OPTN: variants seen among roughly 807,000 people sequenced by gnomAD.
The protein encoded by OPTN is optineurin, also known as E3-14.7K-interacting protein.
Under a neutral mutation model 70.4 loss-of-function variants are expected in OPTN, and 54 were observed. That is an observed-to-expected ratio of 0.77 (90% CI 0.62 to 0.96). OPTN has a LOEUF of 0.96. OPTN is among the 40% of genes least tolerant of loss of function. The pLI, the probability that OPTN is intolerant of heterozygous loss-of-function variation, is 0.00. For synonymous variants in OPTN, 256 were observed against 248.5 expected (o/e 1.03, Z -0.28); for missense variants, 624 against 673.2 (o/e 0.93, Z 0.81).
chr10:13,117,263 G>C (rs1399109144), intron 6 of OPTN, among the ~76,000 whole-genome samples: 1 of 150,950 alleles, frequency 6.6e-6, no homozygotes, highest in Non-Finnish European at 1.5e-5. Flanking sequence ...TGTATTTTTA[G>C]TAGAGATGGG....
At chr10:13,120,409 C>G (rs2131508564) in intron 7 of OPTN, among the ~76,000 whole-genome samples, 1 of 151,808 alleles carries the variant, frequency 6.6e-6, no homozygotes, top group South Asian at 2.1e-4. Context: ...GTCACCTGTG[C>G]TTTTGATGTC....
At position 13,133,655 on chromosome 10, in the gene OPTN, T is replaced by C. The variant is rs1833638397; in HGVS notation, c.1612+74T>C. 2.2e-6 allele frequency: 3 copies of C among 1,338,162 alleles called. No individual in the cohort carries two copies. In the Admixed American group the frequency reaches 5.3e-5, roughly 24 times the overall value. 82.9% of individuals were successfully genotyped at this position (1,338,162 alleles called of 1,614,324 possible). On this transcript the variant is annotated intron_variant, in intron 14 of 14. Coordinates refer to ENST00000378747, the MANE Select transcript of OPTN (RefSeq NM_001008212.2). ...AAAGATGCTTGAAGAAAAATTCCACTTCATTCTCTACAATGGATTCCAAAT... is the reference window on the plus strand; with the variant it reads ...AAAGATGCTTGAAGAAAAATTCCACCTCATTCTCTACAATGGATTCCAAAT...
chr10:13,113,318 G>A (rs940680262), intron 5 of OPTN, among the ~76,000 whole-genome samples: 12 of 152,158 alleles, frequency 7.9e-5, no homozygotes, highest in Non-Finnish European at 1.2e-4. Context: ...GAGCCACCGC[G>A]CCTGGCCAAC....
At chr10:13,118,229 C>G (rs763794004) in intron 6 of OPTN, among the ~76,000 whole-genome samples, 3 of 152,190 alleles carry the variant, frequency 2.0e-5, no homozygotes, top group Non-Finnish European at 4.4e-5. Context: ...GCTATGCGAA[C>G]CTGAGTCGGT....
rs562278758 is a variant in OPTN at position 13,100,903 on chromosome 10, C to T, written c.-164+601C>T. On this transcript the variant is annotated intron_variant, in intron 1 of 14. Coordinates refer to ENST00000378747, the MANE Select transcript of OPTN (RefSeq NM_001008212.2). Reference sequence around the variant, plus strand: ...TGAAACCCAGGTTCCGACCTGGCCTCCACCAGCAGGAAAACTGTTGTATGG... The same window carrying T: ...TGAAACCCAGGTTCCGACCTGGCCTTCACCAGCAGGAAAACTGTTGTATGG... 6.9e-4 allele frequency among the ~76,000 whole-genome samples: 105 copies of T among 152,324 alleles called. 1 individual carries two copies. Among genetic ancestry groups the T allele is most frequent in the Admixed American group, 3.5e-3 (53 of 15,308 alleles).
Position 13,127,799 on chromosome 10 carries a change from G to A in OPTN, c.1297G>A (p.Ala433Thr). Residue 433 changes from alanine (A) to threonine (T), a missense_variant, in exon 12 of 15, where the codon GCA becomes ACA. Transcript: ENST00000378747. ...GGAACTGAGTGAAAAACTGGAACTGGCAGAGAAGGCTCTGGCTTCCAAACA... is the reference window on the plus strand; with the variant it reads ...GGAACTGAGTGAAAAACTGGAACTGACAGAGAAGGCTCTGGCTTCCAAACA... ...LKELSEKLELAEKALASKQLQ... is the reference protein window; with the variant it reads ...LKELSEKLELTEKALASKQLQ... 1 of 1,614,050 alleles carries A rather than the reference G, an allele frequency of 6.2e-7. No individual in the cohort carries two copies.
At chr10:13,108,945 C>T in intron 2 of OPTN, 167 bp from the exon 3 acceptor site, 2 of 709,504 alleles carry the variant, frequency 2.8e-6, no homozygotes, top group Non-Finnish European at 5.1e-6. Context: ...GCTACATATA[C>T]CTTTTTTGTT....
chr10:13,114,349 AC>A (rs1833075637), intron 5 of OPTN, among the ~76,000 whole-genome samples: 4 of 152,086 alleles, frequency 2.6e-5, no homozygotes. Flanking sequence ...TTGCCAGAGT[AC>A]CCCTTCTGCA....
chr10:13,136,779 T>C lies in OPTN; in HGVS notation c.1647T>C (p.Asn549=). 1 of 1,614,170 alleles carries C rather than the reference T, an allele frequency of 6.2e-7. No individual in the cohort carries two copies. Among genetic ancestry groups the C allele is most frequent in the Non-Finnish European group, 8.5e-7 (1 of 1,180,008 alleles). ...AEDRDWRQQR[N]IPIHSCPKCG... is the part of the protein sequence containing the mutation. Reference sequence around the variant, plus strand: ...ACAGGGACTGGCGGCAACAGCGGAATATTCCGATTCATTCCTGCCCCAAGT... The same window carrying C: ...ACAGGGACTGGCGGCAACAGCGGAACATTCCGATTCATTCCTGCCCCAAGT... The change falls in exon 15 of 15, where the codon AAT becomes AAC. Residue 549 remains asparagine, a synonymous_variant. Transcript: ENST00000378747.
At chr10:13,104,523 G>A in intron 1 of OPTN, 2 of 448,406 alleles carry the variant, frequency 4.5e-6, no homozygotes, top group East Asian at 4.8e-5. Context: ...AGTAAAACAG[G>A]CCCTATGGAG....
chr10:13,133,506 T>C lies in OPTN; in HGVS notation c.1537T>C (p.Ser513Pro). The C allele has an allele frequency of 1.2e-6, 2 of 1,614,142 alleles. No homozygotes were observed. Among genetic ancestry groups the C allele is most frequent in the South Asian group, 2.2e-5 (2 of 91,078 alleles). ...NDAFEDGGRQSLMEMQSRHGA... is the reference protein window; with the variant it reads ...NDAFEDGGRQPLMEMQSRHGA... Reference sequence around the variant, plus strand: ...TGTTGCTTTTCGTCCTGGCAGGCAGTCCTTGATGGAGATGCAGAGTCGTCA... The same window carrying C: ...TGTTGCTTTTCGTCCTGGCAGGCAGCCCTTGATGGAGATGCAGAGTCGTCA... The change falls in exon 14 of 15, where the codon TCC (serine) becomes CCC (proline). Residue 513 changes from serine to proline, a missense_variant. Ser to Pro is a moderately conservative substitution (Grantham distance 74). Transcript: ENST00000378747.
At chr10:13,111,988 C>T (rs1833014660) in intron 4 of OPTN, among the ~76,000 whole-genome samples, 1 of 150,842 alleles carries the variant, frequency 6.6e-6, no homozygotes, top group African/African-American at 2.4e-5. Context: ...GCTGGGACTA[C>T]AGGCGCCCGC....
chr10:13,109,798 G>A (rs189658643), intron 3 of OPTN: 50 of 154,916 alleles, frequency 3.2e-4, no homozygotes, highest in Admixed American at 1.2e-3. Flanking sequence ...TCGTGCCACT[G>A]CACTTTAGCC....
At chr10:13,128,743 A>C (rs1833528302) in intron 12 of OPTN, among the ~76,000 whole-genome samples, 1 of 151,534 alleles carries the variant, frequency 6.6e-6, no homozygotes, top group Non-Finnish European at 1.5e-5. Context: ...GGGTTTCATC[A>C]TGTTGGCCAG....
At chr10:13,124,304 G>C (rs575048702) in intron 9 of OPTN, among the ~76,000 whole-genome samples, 194 bp downstream of exon 9, 1 of 152,276 alleles carries the variant, frequency 6.6e-6, no homozygotes, top group African/African-American at 2.4e-5. Context: ...TGGGGGGTTG[G>C]GGACTGGAGA....
intron 14 of OPTN, among the ~76,000 whole-genome samples, chr10:13,134,474 C>G (rs981194294): frequency 6.6e-6 from 1 of 152,090 alleles, no homozygotes; most frequent in African/African-American, 2.4e-5. Flanking sequence ...ACTCTCTTGC[C>G]CAGGCTGGAG....
chr10:13,125,621 T>C (rs867983295), intron 10 of OPTN, 54 bp downstream of exon 10: 1 of 1,595,760 alleles, frequency 6.3e-7, no homozygotes, highest in Middle Eastern at 1.7e-4. Context: ...GAGAATCGCC[T>C]TTTTATACAG....
chr10:13,123,936 G>C, intron 8 of OPTN, 59 bp from the exon 9 acceptor site: 2 of 1,260,280 alleles, frequency 1.6e-6, no homozygotes, highest in Admixed American at 3.5e-5. Context: ...CTCCTAAAGA[G>C]GTTTGTTTAA....
intron 2 of OPTN, chr10:13,108,871 TAC>T (rs560434006): frequency 4.0e-5 from 20 of 494,154 alleles, no homozygotes; most frequent in Non-Finnish European, 4.9e-5. Flanking sequence ...TATACACCCA[TAC>T]ACACACACGC....
Sources: allele counts gnomAD v4.1 joint callset (sites outside exome capture counted in the v4.1 genomes callset), GRCh38; gene constraint gnomAD v4.1.1; transcripts MANE v1.5; gene names NCBI Gene and HGNC (gene_info 2026-07-23, HGNC 2026-07-21).